The following SLC8A1 variants were observed in gnomAD, a reference collection of about 807,000 sequenced individuals.
SLC8A1 encodes solute carrier family 8 member A1.
SLC8A1 carries 18 observed loss-of-function variants against 68.3 expected under a neutral mutation model. The observed-to-expected ratio is 0.26, with a 90% CI of 0.18 to 0.39. The LOEUF is 0.39. Ranked by LOEUF, SLC8A1 falls within the 10% of genes least tolerant of loss-of-function variation. SLC8A1 has a pLI of 1.00. For synonymous variants in SLC8A1, 475 were observed against 415.5 expected, an observed-to-expected ratio of 1.14 and a Z score of -1.74; for missense variants, 985 against 1,156.7, an observed-to-expected ratio of 0.85 and a Z score of 2.15.
chr2:40,302,545 ATATAT>A (rs1007101105), intron 2 of SLC8A1, among the ~76,000 whole-genome samples: 38 of 147,824 alleles, frequency 2.6e-4, no homozygotes, highest in Non-Finnish European at 8.9e-5. Flanking sequence ...CACACATATC[ATATAT>A]ATGTATATAT....
chr2:40,423,944 T>C (rs952866305), intron 2 of SLC8A1, among the ~76,000 whole-genome samples: 1 of 152,098 alleles, frequency 6.6e-6, no homozygotes. Flanking sequence ...GAAAAGATAA[T>C]CCACTAAAGC....
At chr2:40,321,326 A>G (rs1418229004) in intron 2 of SLC8A1, among the ~76,000 whole-genome samples, 2 of 152,148 alleles carry the variant, frequency 1.3e-5, no homozygotes, top group Non-Finnish European at 2.9e-5. Flanking sequence ...TATAACCAGT[A>G]TAACCATGTA....
chr2:40,488,658 G>A (rs542659629), intron 1 of SLC8A1, among the ~76,000 whole-genome samples: 2 of 152,088 alleles, frequency 1.3e-5, no homozygotes, highest in African/African-American at 4.8e-5. Flanking sequence ...ACTAAGCCAC[G>A]AATCTCCTAA....
intron 2 of SLC8A1, among the ~76,000 whole-genome samples, chr2:40,301,154 T>G (rs1325410689): frequency 2.6e-5 from 4 of 152,156 alleles, no homozygotes; most frequent in Non-Finnish European, 5.9e-5. Context: ...ATGATAAAAA[T>G]AGTGATAATA....
At chr2:40,302,863 G>A (rs1323748004) in intron 2 of SLC8A1, among the ~76,000 whole-genome samples, 3 of 152,094 alleles carry the variant, frequency 2.0e-5, no homozygotes, top group African/African-American at 7.2e-5. Context: ...CAGCAGTGAA[G>A]AAGTGTTCCC....
chr2:40,146,666 T>C (rs1384392864), intron 6 of SLC8A1, among the ~76,000 whole-genome samples: 1 of 151,708 alleles, frequency 6.6e-6, no homozygotes, highest in Non-Finnish European at 1.5e-5. Context: ...GGCATTAGAG[T>C]CTCATAAGGA....
chr2:40,487,632 G>C (rs1029285095), intron 1 of SLC8A1, among the ~76,000 whole-genome samples: 4 of 152,130 alleles, frequency 2.6e-5, no homozygotes, highest in African/African-American at 9.7e-5. Flanking sequence ...CTACTCAACA[G>C]AGAAACAGCA....
intron 2 of SLC8A1, among the ~76,000 whole-genome samples, chr2:40,419,355 T>A (rs1422639454): frequency 6.6e-6 from 1 of 152,188 alleles, no homozygotes; most frequent in Non-Finnish European, 1.5e-5. Flanking sequence ...ACTCTCATAC[T>A]GTCTTCTGTT....
intron 1 of SLC8A1, among the ~76,000 whole-genome samples, chr2:40,461,590 C>A (rs1489873867): frequency 6.6e-6 from 1 of 152,156 alleles, no homozygotes; most frequent in Admixed American, 6.5e-5. Context: ...CTAAGTCTGA[C>A]AAAGGATGGA....
intron 2 of SLC8A1, among the ~76,000 whole-genome samples, chr2:40,316,836 T>A (rs1352970311): frequency 6.6e-6 from 1 of 152,010 alleles, no homozygotes; most frequent in Non-Finnish European, 1.5e-5. Flanking sequence ...CAACATGTAA[T>A]CTTAGTCTCA....
In SLC8A1 at chr2:40,432,525, C is replaced by T. The variant is rs190197089; in HGVS notation, c.-24-2221G>A. On this transcript the variant is annotated intron_variant, in intron 1 of 7. Coordinates refer to ENST00000406785, the Ensembl canonical transcript of SLC8A1. ...CACTTGAGCAAAGTCCTGAAGGACA[C>T]GAAAGATCAAGTTTTGTGGATATCT... Among the ~76,000 whole-genome samples the T allele has an allele frequency of 4.2e-3, 634 of 149,194 alleles. 3 individuals are homozygous for T. Among genetic ancestry groups the T allele is most frequent in the Middle Eastern group, 0.01 (3 of 292 alleles).
chr2:40,252,913 GTATA>G (rs1174177726), intron 2 of SLC8A1, among the ~76,000 whole-genome samples: 6 of 130,394 alleles, frequency 4.6e-5, no homozygotes, highest in African/African-American at 2.0e-4. Flanking sequence ...ATGTATATGT[GTATA>G]TATACATACA....
At chr2:40,149,343 G>T (rs1406291105) in intron 6 of SLC8A1, among the ~76,000 whole-genome samples, 2 of 152,114 alleles carry the variant, frequency 1.3e-5, no homozygotes, top group East Asian at 3.9e-4. Context: ...TCTGGCAAGG[G>T]GAGATAGTAA....
At chr2:40,267,945 C>G (rs536820557) in intron 2 of SLC8A1, among the ~76,000 whole-genome samples, 1 of 152,216 alleles carries the variant, frequency 6.6e-6, no homozygotes, top group South Asian at 2.1e-4. Context: ...TGCTGACAGC[C>G]ACCCTTTTCT....
intron 2 of SLC8A1, among the ~76,000 whole-genome samples, chr2:40,284,467 ATC>A (rs2067988213): frequency 6.8e-6 from 1 of 146,982 alleles, no homozygotes; most frequent in Non-Finnish European, 1.5e-5. Context: ...ATAGATATAT[ATC>A]TATAGATATG....
chr2:40,155,340 A>T (rs2044276528), intron 6 of SLC8A1, among the ~76,000 whole-genome samples: 1 of 152,140 alleles, frequency 6.6e-6, no homozygotes, highest in African/African-American at 2.4e-5. Context: ...CGTGTTAGCC[A>T]GGATGGTCTC....
intron 1 of SLC8A1, among the ~76,000 whole-genome samples, chr2:40,486,928 A>C (rs1380407561): frequency 1.4e-5 from 2 of 138,390 alleles, no homozygotes; most frequent in Non-Finnish European, 3.0e-5. Context: ...ACTCTGAGCA[A>C]ACTATTGCAA....
chr2:40,346,787 A>G (rs927296556), intron 2 of SLC8A1, among the ~76,000 whole-genome samples: 2 of 152,158 alleles, frequency 1.3e-5, no homozygotes, highest in Non-Finnish European at 2.9e-5. Flanking sequence ...GGAAAGGGAA[A>G]AAAGTCTTGT....
chr2:40,301,519 A>C (rs2071445793), intron 2 of SLC8A1, among the ~76,000 whole-genome samples: 1 of 152,112 alleles, frequency 6.6e-6, no homozygotes, highest in Non-Finnish European at 1.5e-5. Flanking sequence ...ATATGTTCTC[A>C]CTCATAAATG....
Sources: gnomAD v4.1 joint callset for allele counts (sites outside exome capture counted in the v4.1 genomes callset) on GRCh38, gnomAD v4.1.1 for gene constraint, MANE v1.5 for transcripts, NCBI Gene and HGNC (gene_info 2026-07-23, HGNC 2026-07-21) for gene names.